Variants in RAB23 observed in about 807,000 individuals in gnomAD.
RAB23 encodes RAB23, member RAS oncogene family, also known as ras-related protein Rab-23.
RAB23 carries 15 observed loss-of-function variants against 30.0 expected under a neutral mutation model. The observed-to-expected ratio is 0.50, with a 90% CI of 0.33 to 0.77. RAB23 has a LOEUF of 0.77. RAB23 is among the 30% of genes least tolerant of loss of function. The pLI, the probability that RAB23 is intolerant of heterozygous loss-of-function variation, is 0.02. For synonymous variants in RAB23, 93 were observed against 94.0 expected (o/e 0.99, Z 0.06); for missense variants, 243 against 275.4 (o/e 0.88, Z 0.83).
At chr6:57,199,457 G>A (rs975490469) in intron 3 of RAB23, among the ~76,000 whole-genome samples, 1 of 152,228 alleles carries the variant, frequency 6.6e-6, no homozygotes, top group Non-Finnish European at 1.5e-5. Context: ...CCCCACCCAT[G>A]TGGCGCAGTG....
intron 2 of RAB23, among the ~76,000 whole-genome samples, chr6:57,208,600 CTG>C: frequency 7.6e-6 from 1 of 131,344 alleles, no homozygotes; most frequent in Middle Eastern, 5.3e-3. Flanking sequence ...GCAGTCCAGC[CTG>C]GGAGACAGAG....
intron 1 of RAB23, among the ~76,000 whole-genome samples, chr6:57,214,903 G>C (rs1294874421): frequency 1.3e-5 from 2 of 152,112 alleles, no homozygotes; most frequent in East Asian, 3.8e-4. Flanking sequence ...AAAATAAAAA[G>C]TTAACTGGCA....
At chr6:57,211,297 T>A (rs1452745830) in intron 1 of RAB23, among the ~76,000 whole-genome samples, 7 of 151,584 alleles carry the variant, frequency 4.6e-5, no homozygotes, top group African/African-American at 9.7e-5. Context: ...CTAAAAAAAA[T>A]AAAATAAAAT....
Position 57,187,431 on chromosome 6 carries a change from C to T in RAB23, c.*3030G>A, listed in dbSNP as rs960533701. On this transcript the variant is annotated 3_prime_UTR_variant, in exon 7 of 7. Transcript: ENST00000468148. ...GAAAACCTAAGGAGTGACAATAGTA[C>T]ATGTGACATTCTTAACAGTTAAAAA... 6.6e-6 allele frequency: 1 copy of T among 152,126 alleles called. No individual in the cohort carries two copies. Among genetic ancestry groups the T allele is most frequent in the Admixed American group, 6.5e-5 (1 of 15,278 alleles). The allele number at this position is 152,126 out of a possible 1,614,324, so 9.4% of individuals were successfully genotyped here. A position where few individuals can be genotyped will look rare whatever the true frequency, so the allele number is the denominator to read the frequency against.
intron 1 of RAB23, among the ~76,000 whole-genome samples, chr6:57,217,738 A>G (rs993774989): frequency 1.3e-5 from 2 of 152,208 alleles, no homozygotes; most frequent in Non-Finnish European, 2.9e-5. Context: ...AAAAAAAAGG[A>G]AGATACTAAA....
chr6:57,211,620 A>G (rs923162388), intron 1 of RAB23, among the ~76,000 whole-genome samples: 2 of 152,218 alleles, frequency 1.3e-5, no homozygotes, highest in African/African-American at 4.8e-5. Context: ...ATAGTGTACG[A>G]CCATGTGTCA....
chr6:57,208,611 A>T (rs1765531941), intron 2 of RAB23, among the ~76,000 whole-genome samples: 1 of 120,598 alleles, frequency 8.3e-6, no homozygotes, highest in South Asian at 3.0e-4. Context: ...TGGGAGACAG[A>T]GTGAGACTCT....
In RAB23 at chr6:57,207,677, G is replaced by C. The variant is rs764354115; in HGVS notation, c.192C>G (p.Asp64Glu). 6.2e-7 allele frequency: 1 copy of C among 1,605,002 alleles called. No individual in the cohort carries two copies. The highest frequency in any genetic ancestry group is 8.5e-7 in the Non-Finnish European group (1 of 1,172,066). Residue 64 changes from aspartate to glutamate, a missense_variant, in exon 3 of 7, where the codon GAC (aspartate) becomes GAG (glutamate). Transcript: ENST00000468148. ...NDEDVRLMLW[D>E]TAGQEEFDAI... is the part of the protein sequence containing the mutation. Reference sequence around the variant, plus strand: ...CATCAAATTCCTCCTGACCTGCAGTGTCCCATAACATTAGTCTGACATCTT... The same window carrying C: ...CATCAAATTCCTCCTGACCTGCAGTCTCCCATAACATTAGTCTGACATCTT...
chr6:57,191,345 T>C (rs1171070726), intron 6 of RAB23, among the ~76,000 whole-genome samples: 1 of 152,238 alleles, frequency 6.6e-6, no homozygotes, highest in Admixed American at 6.5e-5. Flanking sequence ...AAAATGCATA[T>C]ATATTCTCTT....
chr6:57,215,079 G>A (rs754358255), intron 1 of RAB23, among the ~76,000 whole-genome samples: 32 of 152,168 alleles, frequency 2.1e-4, no homozygotes, highest in Non-Finnish European at 5.9e-5. Flanking sequence ...AGAGAGGACG[G>A]AGGAAAGAAT....
intron 3 of RAB23, among the ~76,000 whole-genome samples, chr6:57,203,767 G>A (rs972274245): frequency 3.3e-5 from 5 of 152,192 alleles, no homozygotes; most frequent in East Asian, 1.9e-4. Context: ...CTCCAAGAAC[G>A]GCTTGGGGTA....
chr6:57,216,836 C>T (rs1036225866), intron 1 of RAB23, among the ~76,000 whole-genome samples: 2 of 152,008 alleles, frequency 1.3e-5, no homozygotes, highest in African/African-American at 2.4e-5. Flanking sequence ...GACGTTGCCG[C>T]GGCATTTATA....
intron 3 of RAB23, among the ~76,000 whole-genome samples, 166 bp downstream of exon 3, chr6:57,207,462 C>A (rs1765490864): frequency 6.6e-6 from 1 of 152,162 alleles, no homozygotes; most frequent in African/African-American, 2.4e-5. Context: ...TGCTACTATA[C>A]AAGATCTTTA....
chr6:57,204,487 C>T (rs911020710), intron 3 of RAB23, among the ~76,000 whole-genome samples: 3 of 152,092 alleles, frequency 2.0e-5, no homozygotes, highest in African/African-American at 7.2e-5. Flanking sequence ...CTGTATCTTT[C>T]AATACAGGAT....
At chr6:57,196,818 C>T (rs919421644) in intron 3 of RAB23, among the ~76,000 whole-genome samples, 2 of 152,168 alleles carry the variant, frequency 1.3e-5, no homozygotes, top group Non-Finnish European at 2.9e-5. Flanking sequence ...CTTTGCACTA[C>T]TCTTCTTTAC....
intron 2 of RAB23, 105 bp downstream of exon 2, chr6:57,210,121 T>C (rs1765597882): frequency 3.2e-6 from 4 of 1,258,322 alleles, no homozygotes; most frequent in African/African-American, 1.5e-5. Flanking sequence ...TTGCCACTAG[T>C]TGCCACACCT....
At chr6:57,192,819 CT>C (rs1336300353) in intron 6 of RAB23, among the ~76,000 whole-genome samples, 1 of 152,072 alleles carries the variant, frequency 6.6e-6, no homozygotes. Context: ...ATGAATTGTT[CT>C]TCGACAGAAG....
chr6:57,213,226 G>A (rs1031115526), intron 1 of RAB23, among the ~76,000 whole-genome samples: 1 of 152,146 alleles, frequency 6.6e-6, no homozygotes, highest in Non-Finnish European at 1.5e-5. Context: ...GAGCTCAGGC[G>A]GTAATGCTCG....
chr6:57,221,648 G>C (rs1313436527), intron 1 of RAB23, 78 bp downstream of exon 1: 1 of 152,520 alleles, frequency 6.6e-6, no homozygotes, highest in Non-Finnish European at 1.5e-5. Context: ...AAAGCCGAAC[G>C]TTCGGCCAGA....
Sources: allele counts gnomAD v4.1 joint callset (sites outside exome capture counted in the v4.1 genomes callset), GRCh38; gene constraint gnomAD v4.1.1; transcripts MANE v1.5; gene names NCBI Gene and HGNC (gene_info 2026-07-23, HGNC 2026-07-21).